Variants in PKNOX2 observed in about 807,000 individuals in gnomAD.
PKNOX2 encodes PBX/knotted 1 homeobox 2.
PKNOX2 carries 14 observed loss-of-function variants against 53.1 expected under a neutral mutation model. That is an observed-to-expected ratio of 0.26 (90% CI 0.17 to 0.41). The LOEUF is 0.41. Among genes scored for constraint, PKNOX2 ranks in the 10% least tolerant of loss-of-function variants. PKNOX2 has a pLI of 1.00. For missense variants in PKNOX2, 496 were observed against 602.8 expected (o/e 0.82, Z 1.85); for synonymous variants, 257 against 242.8 (o/e 1.06, Z -0.54).
intron 2 of PKNOX2, among the ~76,000 whole-genome samples, chr11:125,251,271 C>G (rs1294481750): frequency 1.3e-5 from 2 of 152,162 alleles, no homozygotes; most frequent in East Asian, 3.9e-4. Flanking sequence ...TCATTTCGCC[C>G]AACTCCTGCC....
At chr11:125,360,292 T>TG (rs1252767282) in intron 4 of PKNOX2, among the ~76,000 whole-genome samples, 1 of 149,818 alleles carries the variant, frequency 6.7e-6, no homozygotes, top group African/African-American at 2.5e-5. Flanking sequence ...TGCAGAGGAG[T>TG]GGGGGCACTG....
intron 6 of PKNOX2, among the ~76,000 whole-genome samples, chr11:125,393,219 C>A (rs987188244): frequency 6.6e-6 from 1 of 151,290 alleles, no homozygotes; most frequent in South Asian, 2.1e-4. Flanking sequence ...AAGTCAGATG[C>A]CTGGTCCAAT....
At chr11:125,325,481 G>C (rs1014308216) in intron 2 of PKNOX2, among the ~76,000 whole-genome samples, 4 of 152,194 alleles carry the variant, frequency 2.6e-5, no homozygotes, top group Admixed American at 2.6e-4. Flanking sequence ...CAGACACCCT[G>C]TATGGGGCTC....
intron 1 of PKNOX2, among the ~76,000 whole-genome samples, chr11:125,207,025 C>CGGGGGGG (rs11314422): frequency 8.4e-6 from 1 of 119,300 alleles, no homozygotes; most frequent in Non-Finnish European, 1.7e-5. Flanking sequence ...CTTCAGGTGG[C>CGGGGGGG]GGGGGGTGAG....
At chr11:125,187,801 C>G (rs1956549106) in intron 1 of PKNOX2, among the ~76,000 whole-genome samples, 2 of 152,178 alleles carry the variant, frequency 1.3e-5, no homozygotes, top group South Asian at 4.1e-4. Context: ...TAGCTGTCTA[C>G]CACCCTTTTG....
At chr11:125,424,204 C>T (rs763329720) in intron 10 of PKNOX2, among the ~76,000 whole-genome samples, 10 of 152,010 alleles carry the variant, frequency 6.6e-5, no homozygotes, top group South Asian at 2.1e-4. Context: ...TGCTTTTCTT[C>T]GTACTTTTCT....
chr11:125,388,695 T>G (rs975423569), intron 6 of PKNOX2, among the ~76,000 whole-genome samples: 1 of 150,912 alleles, frequency 6.6e-6, no homozygotes, highest in Admixed American at 6.6e-5. Context: ...ATCCTCCCCA[T>G]CCCCAGCTGG....
At chr11:125,242,718 T>A (rs1199746607) in intron 2 of PKNOX2, among the ~76,000 whole-genome samples, 2 of 151,838 alleles carry the variant, frequency 1.3e-5, no homozygotes, top group Non-Finnish European at 2.9e-5. Context: ...TTCAGGAGAG[T>A]GGCGGGTGTG....
chr11:125,196,459 CT>C (rs1165220443), intron 1 of PKNOX2, among the ~76,000 whole-genome samples: 21 of 152,174 alleles, frequency 1.4e-4, no homozygotes, highest in African/African-American at 4.8e-4. Context: ...GGTTGGAAGC[CT>C]TTCCATCATG....
chr11:125,376,290 C>T (rs140994499), intron 5 of PKNOX2, among the ~76,000 whole-genome samples: 1 of 152,322 alleles, frequency 6.6e-6, no homozygotes, highest in Non-Finnish European at 1.5e-5. Context: ...GCGAACACAC[C>T]GCCCACTGGG....
At chr11:125,231,902 C>T (rs1244164106) in intron 1 of PKNOX2, among the ~76,000 whole-genome samples, 1 of 152,190 alleles carries the variant, frequency 6.6e-6, no homozygotes, top group Non-Finnish European at 1.5e-5. Flanking sequence ...CACTATCAGC[C>T]TTCGAATGCT....
chr11:125,393,234 G>A (rs1954185614), intron 6 of PKNOX2, among the ~76,000 whole-genome samples: 1 of 151,798 alleles, frequency 6.6e-6, no homozygotes, highest in Non-Finnish European at 1.5e-5. Flanking sequence ...TCCAATATGT[G>A]GCATATAGTA....
intron 3 of PKNOX2, among the ~76,000 whole-genome samples, chr11:125,343,820 C>T (rs1350418328): frequency 6.6e-6 from 1 of 152,042 alleles, no homozygotes; most frequent in African/African-American, 2.4e-5. Flanking sequence ...GCTCGTCTGA[C>T]TCTCCTGCTC....
Position 125,418,682 on chromosome 11 carries a change from T to C in PKNOX2, c.936+6817T>C, listed in dbSNP as rs1316782228. 3.3e-5 allele frequency among the ~76,000 whole-genome samples: 5 copies of C among 152,108 alleles called. No individual in the cohort carries two copies. In the East Asian group the frequency reaches 9.7e-4, roughly 29 times the overall value. Reference sequence around the variant, plus strand: ...CTCGCTACCTCCCCTGCGCAGAGCATTGTGTTAAGTCTTGAAGGGATGACA... The same window carrying C: ...CTCGCTACCTCCCCTGCGCAGAGCACTGTGTTAAGTCTTGAAGGGATGACA... On this transcript the variant is annotated intron_variant, in intron 10 of 12. Coordinates refer to ENST00000298282, the MANE Select transcript of PKNOX2 (RefSeq NM_001382323.2).
At chr11:125,426,093 C>T (rs939308247) in intron 10 of PKNOX2, among the ~76,000 whole-genome samples, 3 of 152,154 alleles carry the variant, frequency 2.0e-5, no homozygotes, top group Non-Finnish European at 4.4e-5. Flanking sequence ...AATGGGGGCC[C>T]GACAACAGAA....
intron 2 of PKNOX2, among the ~76,000 whole-genome samples, chr11:125,284,977 G>A (rs1391239453): frequency 2.6e-5 from 4 of 151,982 alleles, no homozygotes; most frequent in Non-Finnish European, 5.9e-5. Flanking sequence ...TGAGTGGGAG[G>A]CTTTGTTCTA....
At chr11:125,335,342 GGA>G (rs1331503999) in intron 3 of PKNOX2, among the ~76,000 whole-genome samples, 2 of 152,164 alleles carry the variant, frequency 1.3e-5, no homozygotes. Context: ...TGTCTTTTCT[GGA>G]CATCATAATC....
Position 125,342,943 on chromosome 11 carries a change from C to T in PKNOX2, c.-22-8341C>T, listed in dbSNP as rs571508844. 4.6e-5 allele frequency among the ~76,000 whole-genome samples: 7 copies of T among 152,120 alleles called. No individual in the cohort carries two copies. In the South Asian group the frequency reaches 6.2e-4, roughly 14 times the overall value. The stretch of plus-strand genomic sequence containing the variant: ...CAAGCTCTCTTCTTTCCCTGGGCCT[C>T]CCCACCTCTCCCACTCTTGTTGTTT... On this transcript the variant is annotated intron_variant, in intron 3 of 12. Transcript: ENST00000298282.
intron 1 of PKNOX2, among the ~76,000 whole-genome samples, chr11:125,230,368 A>T (rs947314041): frequency 6.6e-6 from 1 of 152,234 alleles, no homozygotes; most frequent in Non-Finnish European, 1.5e-5. Context: ...AAGCAACTGC[A>T]AAACATTGTC....
Sources: gnomAD v4.1 joint callset for allele counts (sites outside exome capture counted in the v4.1 genomes callset) on GRCh38, gnomAD v4.1.1 for gene constraint, MANE v1.5 for transcripts, NCBI Gene and HGNC (gene_info 2026-07-23, HGNC 2026-07-21) for gene names.